ZNF229: variants seen among roughly 807,000 people sequenced by gnomAD.
The protein encoded by ZNF229 is zinc finger protein 229.
In ZNF229, 10 loss-of-function variants were observed where a neutral mutation model predicts 11.8. That is an observed-to-expected ratio of 0.85 (90% CI 0.52 to 1.44). The LOEUF (loss-of-function observed/expected upper bound fraction) is 1.44, where lower values mean the gene tolerates loss of function less well. Among genes scored for constraint, ZNF229 ranks in the 40% most tolerant of loss-of-function variants. The pLI is 0.00. For synonymous variants in ZNF229, 368 were observed against 374.8 expected (o/e 0.98, Z 0.21); for missense variants, 1,045 against 1,015.1 (o/e 1.03, Z -0.40).
At chr19:44,436,828 T>C (rs1971823364) in intron 4 of ZNF229, among the ~76,000 whole-genome samples, 1 of 152,156 alleles carries the variant, frequency 6.6e-6, no homozygotes, top group Non-Finnish European at 1.5e-5. Context: ...GAGCACAGAA[T>C]GCAGGAGCAG....
intron 4 of ZNF229, among the ~76,000 whole-genome samples, chr19:44,440,949 T>A (rs1012573441): frequency 3.9e-5 from 6 of 152,006 alleles, no homozygotes; most frequent in African/African-American, 1.5e-4. Flanking sequence ...GGTCTCGAAC[T>A]CCTGAGCTCA....
At chr19:44,447,292 A>T (rs139233510) in intron 2 of ZNF229, among the ~76,000 whole-genome samples, 1 of 152,216 alleles carries the variant, frequency 6.6e-6, no homozygotes, top group African/African-American at 2.4e-5. Flanking sequence ...CATGGCGCTG[A>T]AACAGTGTAA....
At chr19:44,430,672 C>A in intron 5 of ZNF229, 130 bp from the exon 6 acceptor site, 1 of 804,760 alleles carries the variant, frequency 1.2e-6, no homozygotes, top group East Asian at 2.8e-5. Context: ...TATTAGAGCA[C>A]TTATGTTTAT....
In ZNF229 at chr19:44,428,233, G is replaced by A; in HGVS notation, c.*70C>T. The stretch of plus-strand genomic sequence containing the variant: ...CCCTCCTACATGTCACTTTCCTATG[G>A]TTTTTCTCCTGTGTTGGCTCTCAGA... On this transcript the variant is annotated 3_prime_UTR_variant, in exon 6 of 6. Transcript: ENST00000614049. 3 of 1,498,526 alleles carry A rather than the reference G, an allele frequency of 2.0e-6. No individual in the cohort carries two copies. Among genetic ancestry groups the A allele is most frequent in the Non-Finnish European group, 2.7e-6 (3 of 1,114,980 alleles). The allele number at this position is 1,498,526 out of a possible 1,614,324, so 92.8% of individuals were successfully genotyped here. A position where few individuals can be genotyped will look rare whatever the true frequency, so the allele number is the denominator to read the frequency against.
At chr19:44,433,041 C>CA (rs1254628042) in intron 4 of ZNF229, among the ~76,000 whole-genome samples, 1 of 151,840 alleles carries the variant, frequency 6.6e-6, no homozygotes, top group Non-Finnish European at 1.5e-5. Flanking sequence ...CACATCATAT[C>CA]CTGTGCTCAC....
chr19:44,446,229 G>A (rs1442238980), intron 2 of ZNF229, among the ~76,000 whole-genome samples: 1 of 152,172 alleles, frequency 6.6e-6, no homozygotes, highest in African/African-American at 2.4e-5. Context: ...GGATGAAGAG[G>A]AGGAGAAATA....
Position 44,426,616 on chromosome 19 carries a change from A to C in ZNF229, c.*1687T>G, listed in dbSNP as rs1254800433. 3 of 152,198 alleles carry C rather than the reference A, an allele frequency of 2.0e-5. No individual in the cohort carries two copies. Among genetic ancestry groups the C allele is most frequent in the African/African-American group, 7.2e-5 (3 of 41,428 alleles). 9.4% of individuals were successfully genotyped at this position (152,198 alleles called of 1,614,324 possible). ...TTTCTAGTGGCTTTCCATTGCATAC[A>C]TATGCCTGAACTTATCTAAAAAATT... On this transcript the variant is annotated 3_prime_UTR_variant, in exon 6 of 6. Transcript: ENST00000614049.
chr19:44,442,782 T>C, intron 3 of ZNF229, 32 bp downstream of exon 3: 1 of 1,545,186 alleles, frequency 6.5e-7, no homozygotes, highest in Non-Finnish European at 8.9e-7. Context: ...GTTTGGATTC[T>C]CCCCCCACCC....
In ZNF229 at chr19:44,429,757, C is replaced by T. The variant is rs868432596; in HGVS notation, c.1024G>A (p.Ala342Thr). 1.2e-6 allele frequency: 2 copies of T among 1,614,116 alleles called. No homozygotes were observed. The highest frequency in any genetic ancestry group is 1.7e-5 in the Admixed American group (1 of 60,028). ...CTATAGGGCATGTCTCCCACAGGGG[C>T]TCTGGGGTGGTTACGTATGTGCGTG... ...QNTHIRNHPR[A>T]PVGDMPYRCD... The change falls in exon 6 of 6, where the codon GCC (alanine) becomes ACC (threonine). Residue 342 changes from alanine (A) to threonine (T), a missense_variant. Coordinates refer to ENST00000614049, the MANE Select transcript of ZNF229 (RefSeq NM_014518.4).
At chr19:44,431,132 G>T (rs1971715892) in intron 5 of ZNF229, among the ~76,000 whole-genome samples, 2 of 152,070 alleles carry the variant, frequency 1.3e-5, no homozygotes, top group Admixed American at 1.3e-4. Flanking sequence ...TACTTCAGGA[G>T]GGTGCCAAAT....
At chr19:44,442,526 A>G (rs769734844) in intron 4 of ZNF229, 37 bp downstream of exon 4, 3 of 1,604,226 alleles carry the variant, frequency 1.9e-6, no homozygotes, top group African/African-American at 2.7e-5. Flanking sequence ...TCTGATGCCT[A>G]AGGTGGTATT....
intron 4 of ZNF229, among the ~76,000 whole-genome samples, chr19:44,438,974 C>A (rs1482589434): frequency 1.3e-5 from 2 of 152,226 alleles, no homozygotes; most frequent in Non-Finnish European, 2.9e-5. Context: ...TTGTGGGAAC[C>A]CCAACTTGCA....
In ZNF229 at chr19:44,428,409, G is replaced by A. The variant is rs779029481; in HGVS notation, c.2372C>T (p.Thr791Ile). The A allele has an allele frequency of 6.8e-6, 11 of 1,613,992 alleles. No individual in the cohort carries two copies. The South Asian group carries it at 9.9e-5, about 14-fold the overall frequency. ...ACCACACGTATAGGGCTTCTCTCCA[G>A]TGTGGACTCTCTGATGAACATGAAG... ...SCLHVHQRVH[T>I]GEKPYTCGVC... is the part of the protein sequence containing the mutation. The change falls in exon 6 of 6, where the codon ACT (threonine) becomes ATT (isoleucine). Residue 791 changes from threonine to isoleucine, a missense_variant. Transcript: ENST00000614049.
chr19:44,440,501 T>G (rs779901549), intron 4 of ZNF229, among the ~76,000 whole-genome samples: 1 of 151,970 alleles, frequency 6.6e-6, no homozygotes, highest in Non-Finnish European at 1.5e-5. Context: ...TAAAGTGTGA[T>G]CCATGAAAAT....
intron 4 of ZNF229, among the ~76,000 whole-genome samples, chr19:44,436,784 T>A (rs1161355322): frequency 1.3e-5 from 2 of 152,092 alleles, no homozygotes; most frequent in Non-Finnish European, 2.9e-5. Context: ...AAAGTTGGTA[T>A]TCAATGCAGA....
At chr19:44,436,120 A>C (rs1429946589) in intron 4 of ZNF229, among the ~76,000 whole-genome samples, 1 of 152,190 alleles carries the variant, frequency 6.6e-6, no homozygotes, top group African/African-American at 2.4e-5. Flanking sequence ...TTACAGGGAG[A>C]CATGTTGGCC....
chr19:44,442,788 C>T (rs781252894), intron 3 of ZNF229, 26 bp downstream of exon 3: 5 of 1,569,510 alleles, frequency 3.2e-6, no homozygotes, highest in East Asian at 4.5e-5. Context: ...ATTCTCCCCC[C>T]ACCCACCCCC....
rs1303147226 is a variant in ZNF229, at chr19:44,426,769, T to C, written c.*1534A>G. On this transcript the variant is annotated 3_prime_UTR_variant, in exon 6 of 6. Transcript: ENST00000614049. ...TCTCCCAAGTATCAATTACTACATA[T>C]TTACTGCCACTTCAAAGGTTATAGA... 3 of 152,196 alleles carry C rather than the reference T, an allele frequency of 2.0e-5. No individual in the cohort carries two copies. Among genetic ancestry groups the C allele is most frequent in the Non-Finnish European group, 4.4e-5 (3 of 68,040 alleles). 9.4% of individuals were successfully genotyped at this position (152,196 alleles called of 1,614,324 possible). A position where few individuals can be genotyped will look rare whatever the true frequency, so the allele number is the denominator to read the frequency against.
chr19:44,441,105 T>A (rs1971901673), intron 4 of ZNF229, among the ~76,000 whole-genome samples: 1 of 152,124 alleles, frequency 6.6e-6, no homozygotes, highest in African/African-American at 2.4e-5. Flanking sequence ...ATCCAAAGTC[T>A]TTGTAGATGA....
Sources: gnomAD v4.1 joint callset for allele counts (sites outside exome capture counted in the v4.1 genomes callset) on GRCh38, gnomAD v4.1.1 for gene constraint, MANE v1.5 for transcripts, NCBI Gene and HGNC (gene_info 2026-07-23, HGNC 2026-07-21) for gene names.